IGF1R: variants seen among roughly 807,000 people sequenced by gnomAD.
IGF1R encodes insulin like growth factor 1 receptor.
IGF1R carries 44 observed loss-of-function variants against 144.6 expected under a neutral mutation model. The ratio of observed to expected loss-of-function variants is 0.30; its 90% CI spans 0.24 to 0.39. The LOEUF is 0.39. Ranked by LOEUF, IGF1R falls within the 10% of genes least tolerant of loss-of-function variation. The probability of loss-of-function intolerance (pLI) is 1.00; values close to 1 mark genes in which losing one functional copy is unlikely to be tolerated. For synonymous variants in IGF1R, 795 were observed against 722.8 expected, an observed-to-expected ratio of 1.10 and a Z score of -1.60; for missense variants, 1,355 against 1,833.7, an observed-to-expected ratio of 0.74 and a Z score of 4.77.
intron 3 of IGF1R, among the ~76,000 whole-genome samples, chr15:98,893,787 TC>T (rs1364542471): frequency 1.3e-5 from 2 of 152,220 alleles, no homozygotes; most frequent in Non-Finnish European, 2.9e-5. Context: ...AGCCATTATT[TC>T]CCCTATTCAT....
intron 19 of IGF1R, among the ~76,000 whole-genome samples, chr15:98,944,945 T>A (rs984804031): frequency 9.9e-5 from 15 of 152,262 alleles, no homozygotes; most frequent in Admixed American, 9.8e-4. Flanking sequence ...CTGTTCTTGA[T>A]AAGATAGGTC....
Position 98,688,287 on chromosome 15 carries a change from G to A in IGF1R, c.95-19275G>A, listed in dbSNP as rs373764124. ...CTCTCCTGCTCCTGTTTTCTCCCCC[G>A]CCCCTTCTCTCCTACTCTCCTTCCT... On this transcript the variant is annotated intron_variant, in intron 1 of 20. Coordinates refer to ENST00000650285, the MANE Select transcript of IGF1R (RefSeq NM_000875.5). 5.4e-3 allele frequency among the ~76,000 whole-genome samples: 525 copies of A among 96,810 alleles called. 9 individuals carry two copies. Among genetic ancestry groups the A allele is most frequent in the African/African-American group, 0.022 (498 of 22,902 alleles). 63.5% of individuals were successfully genotyped at this position (96,810 alleles called of 152,430 possible).
At position 98,883,597 on chromosome 15, in the gene IGF1R, A is replaced by T. The variant is rs2013489022; in HGVS notation, c.641-7728A>T. On this transcript the variant is annotated intron_variant, in intron 2 of 20. Coordinates refer to ENST00000650285, the MANE Select transcript of IGF1R (RefSeq NM_000875.5). ...TGGGGAGTAGTGTGTGTGAGAGGACAGAAGCGAGGATTGATTGAAGATTAT... is the reference window on the plus strand; with the variant it reads ...TGGGGAGTAGTGTGTGTGAGAGGACTGAAGCGAGGATTGATTGAAGATTAT... 3.3e-5 allele frequency among the ~76,000 whole-genome samples: 5 copies of T among 152,192 alleles called. No individual in the cohort carries two copies. The South Asian group carries it at 1.0e-3, about 31-fold the overall frequency.
At position 98,891,689 on chromosome 15, in the gene IGF1R, C is replaced by A; in HGVS notation, c.953+52C>A. On this transcript the variant is annotated intron_variant, in intron 3 of 20. Transcript: ENST00000650285. The surrounding 1 kb of genome is among the most constrained non-coding windows in gnomAD (Gnocchi z 4.7). ...CTACCCGCCCCACCTCACCCGCCAC[C>A]CTAGCACACAAAGGTAGACTCTGTC... is the stretch of plus-strand genomic sequence containing the variant. The A allele has an allele frequency of 6.5e-7, 1 of 1,546,350 alleles. No individual in the cohort carries two copies.
chr15:98,745,084 G>T (rs2054831724), intron 2 of IGF1R, among the ~76,000 whole-genome samples: 1 of 152,292 alleles, frequency 6.6e-6, no homozygotes, highest in Admixed American at 6.5e-5. Flanking sequence ...TTAAGGGATG[G>T]TTGCATTTGT....
At chr15:98,801,101 A>C (rs1348771170) in intron 2 of IGF1R, among the ~76,000 whole-genome samples, 1 of 152,074 alleles carries the variant, frequency 6.6e-6, no homozygotes, top group Non-Finnish European at 1.5e-5. Context: ...GACCTTGCTT[A>C]CTTCTCCCTC....
intron 2 of IGF1R, among the ~76,000 whole-genome samples, chr15:98,835,372 ATCT>A (rs773371836): frequency 2.0e-5 from 3 of 152,262 alleles, no homozygotes; most frequent in African/African-American, 4.8e-5. Context: ...GGAAGCACTC[ATCT>A]TCTTTCCCTT....
chr15:98,907,855 C>T (rs1362100385), intron 5 of IGF1R, among the ~76,000 whole-genome samples: 1 of 152,234 alleles, frequency 6.6e-6, no homozygotes, highest in Non-Finnish European at 1.5e-5. Context: ...CACTGGAACT[C>T]AGCCTCTCCT....
At chr15:98,836,515 T>C (rs2141518036) in intron 2 of IGF1R, among the ~76,000 whole-genome samples, 1 of 141,966 alleles carries the variant, frequency 7.0e-6, no homozygotes, top group Non-Finnish European at 1.5e-5. Flanking sequence ...TAAGACCCTG[T>C]CTCTTTAAAA....
At chr15:98,770,613 G>GA (rs1254391066) in intron 2 of IGF1R, among the ~76,000 whole-genome samples, 12 of 152,246 alleles carry the variant, frequency 7.9e-5, no homozygotes, top group African/African-American at 2.6e-4. Flanking sequence ...AAATAAAGGG[G>GA]AAGACATAGG....
intron 1 of IGF1R, among the ~76,000 whole-genome samples, chr15:98,654,519 G>A (rs1436249585): frequency 7.9e-5 from 12 of 152,128 alleles, no homozygotes; most frequent in Admixed American, 7.2e-4. Flanking sequence ...GTTTTTAAAA[G>A]CGTGAGGGAG....
chr15:98,696,767 T>G (rs1246746505), intron 1 of IGF1R, among the ~76,000 whole-genome samples: 1 of 152,198 alleles, frequency 6.6e-6, no homozygotes, highest in Non-Finnish European at 1.5e-5. Flanking sequence ...CAGGTGATTT[T>G]TTTTGGGAAG....
chr15:98,813,882 A>G (rs1056861082), intron 2 of IGF1R, among the ~76,000 whole-genome samples: 2 of 152,210 alleles, frequency 1.3e-5, no homozygotes, highest in African/African-American at 4.8e-5. Context: ...ATACATCTAC[A>G]TATTTTCCAC....
chr15:98,940,931 C>T (rs1874381315), intron 18 of IGF1R, among the ~76,000 whole-genome samples: 1 of 152,230 alleles, frequency 6.6e-6, no homozygotes, highest in African/African-American at 2.4e-5. Context: ...AAGAGGCCGT[C>T]CTGCCTCAGG....
intron 7 of IGF1R, 146 bp from the exon 8 acceptor site, chr15:98,912,893 CTTCAT>C (rs1416549273): frequency 1.5e-6 from 1 of 660,040 alleles, no homozygotes; most frequent in Non-Finnish European, 2.7e-6. Flanking sequence ...AGTCCAGTCA[CTTCAT>C]TTCTTCTTCT....
At chr15:98,785,861 G>A (rs555170889) in intron 2 of IGF1R, among the ~76,000 whole-genome samples, 1 of 152,314 alleles carries the variant, frequency 6.6e-6, no homozygotes, top group East Asian at 1.9e-4. Context: ...AATCAGGAAT[G>A]TAGGTATTGG....
At chr15:98,956,223 A>C (rs889611366) in intron 20 of IGF1R, among the ~76,000 whole-genome samples, 2 of 152,328 alleles carry the variant, frequency 1.3e-5, no homozygotes. Context: ...AGGGCCTCAC[A>C]GGTATTTGCA....
intron 2 of IGF1R, among the ~76,000 whole-genome samples, chr15:98,742,997 A>T (rs865932660): frequency 2.6e-5 from 4 of 152,280 alleles, no homozygotes; most frequent in African/African-American, 4.8e-5. Flanking sequence ...AGATTGTGTC[A>T]TTGCACTCCA....
intron 2 of IGF1R, among the ~76,000 whole-genome samples, chr15:98,714,992 C>G (rs967769367): frequency 9.9e-5 from 15 of 152,062 alleles, no homozygotes; most frequent in Non-Finnish European, 1.8e-4. Context: ...GAGGAGAAGG[C>G]AGCCAGGAGA....
Sources: gnomAD v4.1 joint callset for allele counts (sites outside exome capture counted in the v4.1 genomes callset) on GRCh38, gnomAD v4.1.1 for gene constraint, Gnocchi (gnomAD v3.1) non-coding constraint, MANE v1.5 for transcripts, NCBI Gene and HGNC (gene_info 2026-07-23, HGNC 2026-07-21) for gene names.